The following SYNE1 variants were observed in gnomAD, a reference collection of about 807,000 sequenced individuals.
SYNE1 encodes spectrin repeat containing nuclear envelope protein 1.
In SYNE1, 616 loss-of-function variants were observed where a neutral mutation model predicts 1,111.0. The ratio of observed to expected loss-of-function variants is 0.55; its 90% CI spans 0.52 to 0.59. SYNE1 has a LOEUF of 0.59. SYNE1 is among the 20% of genes least tolerant of loss of function. SYNE1 has a pLI of 0.00. For synonymous variants in SYNE1, 3,855 were observed against 3,825.8 expected (o/e 1.01, Z -0.28); for missense variants, 10,006 against 10,417.0 (o/e 0.96, Z 1.72).
chr6:152,460,807 T>C (rs1158320854), intron 21 of SYNE1, among the ~76,000 whole-genome samples: 1 of 84,010 alleles, frequency 1.2e-5, no homozygotes, highest in Non-Finnish European at 2.6e-5. Flanking sequence ...ATCTTTTTTT[T>C]TTTTTTTTTT....
chr6:152,228,900 A>G (rs1213343629), intron 115 of SYNE1, among the ~76,000 whole-genome samples: 2 of 141,720 alleles, frequency 1.4e-5, no homozygotes, highest in African/African-American at 2.6e-5. Context: ...TTAAGCACCC[A>G]TTTTCTGATG....
Position 152,140,088 on chromosome 6 carries a change from C to G in SYNE1, c.25320G>C (p.Gln8440His), listed in dbSNP as rs375035420. 1 of 1,614,096 alleles carries G rather than the reference C, an allele frequency of 6.2e-7. No homozygotes were observed. Among genetic ancestry groups the G allele is most frequent in the African/African-American group, 1.3e-5 (1 of 74,938 alleles). The change falls in exon 140 of 146, where the codon CAG becomes CAC. Residue 8440 changes from glutamine to histidine, a missense_variant. Transcript: ENST00000367255. Reference sequence around the variant, plus strand: ...AGTCTGAGTTAAACTGCTGCCACTTCTGGAGGTTCTGCTTCATCCTCAACT... The same window carrying G: ...AGTCTGAGTTAAACTGCTGCCACTTGTGGAGGTTCTGCTTCATCCTCAACT... Reference protein sequence around the residue: ...SKELRMKQNLQKWQQFNSDLN... With the variant: ...SKELRMKQNLHKWQQFNSDLN...
intron 77 of SYNE1, among the ~76,000 whole-genome samples, chr6:152,333,289 C>T (rs1590280173): frequency 6.6e-6 from 1 of 152,134 alleles, no homozygotes; most frequent in East Asian, 1.9e-4. Flanking sequence ...TTTCTAGACT[C>T]TTGTAAGAAA....
chr6:152,573,907 C>A (rs2099484661), intron 3 of SYNE1, among the ~76,000 whole-genome samples: 1 of 152,086 alleles, frequency 6.6e-6, no homozygotes, highest in Non-Finnish European at 1.5e-5. Context: ...ATAATAGCAT[C>A]AAAGCTCTGC....
At chr6:152,161,476 T>C (rs560430034) in intron 131 of SYNE1, among the ~76,000 whole-genome samples, 37 of 151,978 alleles carry the variant, frequency 2.4e-4, no homozygotes, top group Non-Finnish European at 4.7e-4. Context: ...ATAGTCTCCA[T>C]TCTGAATGCT....
Position 152,372,899 on chromosome 6 carries a change from C to T in SYNE1, c.9507+138G>A, listed in dbSNP as rs528125216. 706 of 900,830 alleles carry T rather than the reference C, an allele frequency of 7.8e-4. 2 individuals are homozygous for T. Among genetic ancestry groups the T allele is most frequent in the Middle Eastern group, 5.9e-3 (18 of 3,040 alleles). The allele number at this position is 900,830 out of a possible 1,614,324, so 55.8% of individuals were successfully genotyped here. On this transcript the variant is annotated intron_variant, in intron 59 of 145. Transcript: ENST00000367255. ...ATTGGGCTATTCCTTACTGTTAGCC[C>T]ATTGTCTTCTTATGTTCTGAGAGGG...
intron 62 of SYNE1, among the ~76,000 whole-genome samples, chr6:152,365,834 T>C (rs2097066163): frequency 6.6e-6 from 1 of 152,186 alleles, no homozygotes; most frequent in Non-Finnish European, 1.5e-5. Context: ...CTTTTTATAA[T>C]GTGGTTCTTG....
At chr6:152,496,333 T>TA (rs1022164291) in intron 11 of SYNE1, among the ~76,000 whole-genome samples, 4 of 152,270 alleles carry the variant, frequency 2.6e-5, no homozygotes, top group East Asian at 3.9e-4. Context: ...TATGACAACA[T>TA]AAAAAAACTC....
intron 11 of SYNE1, among the ~76,000 whole-genome samples, chr6:152,498,060 ACTAT>A (rs1375926099): frequency 6.6e-6 from 1 of 152,220 alleles, no homozygotes; most frequent in African/African-American, 2.4e-5. Context: ...TAAAAAATTT[ACTAT>A]CTGATATGAA....
At chr6:152,341,989 A>C (rs1359291739) in intron 74 of SYNE1, among the ~76,000 whole-genome samples, 5 of 152,232 alleles carry the variant, frequency 3.3e-5, no homozygotes, top group Non-Finnish European at 7.3e-5. Flanking sequence ...AAAATAAAAA[A>C]TAAAAAAAGG....
At chr6:152,514,142 G>C (rs1411729964) in intron 6 of SYNE1, among the ~76,000 whole-genome samples, 1 of 152,126 alleles carries the variant, frequency 6.6e-6, no homozygotes, top group Admixed American at 6.6e-5. Context: ...ATACCCAAAG[G>C]ATTATAAATC....
Position 152,336,940 on chromosome 6 carries a change from C to G in SYNE1, c.12429G>C (p.Trp4143Cys). The G allele has an allele frequency of 6.2e-7, 1 of 1,614,174 alleles. No individual in the cohort carries two copies. Among genetic ancestry groups the G allele is most frequent in the Non-Finnish European group, 8.5e-7 (1 of 1,180,042 alleles). ...EEIKHLKSEL[W>C]IYLQDADQQL... ...GCTGATCAGCATCTTGCAGGTAAAT[C>G]CAGAGCTCAGACTTCAGGTGCTTGA... Residue 4143 changes from tryptophan (W) to cysteine (C), a missense_variant, in exon 76 of 146, where the codon TGG becomes TGC. By Grantham distance (215) the Trp-to-Cys change is radical. This residue lies in a region of SYNE1 where 4,955 missense variants were observed against 5,017.2 expected (regional missense o/e 0.99). Transcript: ENST00000367255.
intron 91 of SYNE1, among the ~76,000 whole-genome samples, chr6:152,307,350 A>G (rs2095412135): frequency 6.6e-6 from 1 of 152,224 alleles, no homozygotes; most frequent in Non-Finnish European, 1.5e-5. Context: ...TTACAAAGCA[A>G]TACCTTGAAT....
chr6:152,483,013 T>C, intron 14 of SYNE1, 72 bp downstream of exon 14: 2 of 1,567,908 alleles, frequency 1.3e-6, no homozygotes, highest in Non-Finnish European at 8.8e-7. Flanking sequence ...CCAGAGCAGG[T>C]TGTAACTAGG....
intron 3 of SYNE1, among the ~76,000 whole-genome samples, chr6:152,559,430 A>G (rs1203095493): frequency 6.6e-6 from 1 of 152,166 alleles, no homozygotes; most frequent in Non-Finnish European, 1.5e-5. Context: ...AGTTGAAATC[A>G]TGTCTTCTCT....
intron 127 of SYNE1, among the ~76,000 whole-genome samples, chr6:152,190,235 G>A (rs969946409): frequency 6.6e-5 from 10 of 152,054 alleles, no homozygotes; most frequent in African/African-American, 1.7e-4. Context: ...GTTTTAACAT[G>A]AGATTGCAGA....
chr6:152,422,504 T>C (rs2098279923), intron 39 of SYNE1, among the ~76,000 whole-genome samples: 1 of 152,078 alleles, frequency 6.6e-6, no homozygotes, highest in Non-Finnish European at 1.5e-5. Context: ...AGCCTTTTTT[T>C]TTCTTTTTAT....
At chr6:152,124,976 T>C (rs996316785) in intron 145 of SYNE1, among the ~76,000 whole-genome samples, 6 of 152,212 alleles carry the variant, frequency 3.9e-5, no homozygotes, top group Admixed American at 2.6e-4. Flanking sequence ...TGTGTACTTA[T>C]TAACTTCATT....
intron 109 of SYNE1, 88 bp from the exon 110 acceptor site, chr6:152,236,391 C>A: frequency 1.1e-6 from 1 of 938,020 alleles, no homozygotes; most frequent in Non-Finnish European, 1.7e-6. Flanking sequence ...TACAATGTTC[C>A]CATTACCTGT....
Sources: allele counts gnomAD v4.1 joint callset (sites outside exome capture counted in the v4.1 genomes callset), GRCh38; gene constraint gnomAD v4.1.1; regional missense constraint gnomAD v4.1.1; transcripts MANE v1.5; gene names NCBI Gene and HGNC (gene_info 2026-07-23, HGNC 2026-07-21).